Variants in ZNF827 observed in about 807,000 individuals in gnomAD.
The protein encoded by ZNF827 is zinc finger protein 827.
Under a neutral mutation model 102.4 loss-of-function variants are expected in ZNF827, and 13 were observed. That is an observed-to-expected ratio of 0.13 (90% CI 0.08 to 0.20). The LOEUF (loss-of-function observed/expected upper bound fraction) is 0.20. ZNF827 is among the 10% of genes least tolerant of loss of function. The pLI, the probability that ZNF827 is intolerant of heterozygous loss-of-function variation, is 1.00. For missense variants in ZNF827, 1,103 were observed against 1,344.4 expected (o/e 0.82, Z 2.81); for synonymous variants, 523 against 536.2 (o/e 0.98, Z 0.34).
intron 5 of ZNF827, among the ~76,000 whole-genome samples, chr4:145,863,951 T>C (rs971350887): frequency 1.3e-5 from 2 of 152,052 alleles, no homozygotes; most frequent in Non-Finnish European, 2.9e-5. Context: ...CCTAGCACTT[T>C]GGGAGGCTGA....
At chr4:145,772,619 A>T (rs1736456812) in intron 11 of ZNF827, among the ~76,000 whole-genome samples, 1 of 152,262 alleles carries the variant, frequency 6.6e-6, no homozygotes, top group Admixed American at 6.5e-5. Flanking sequence ...TAGTAGTGAC[A>T]GAAACTGTAT....
At chr4:145,817,999 C>A (rs193222859) in intron 8 of ZNF827, among the ~76,000 whole-genome samples, 5 of 152,050 alleles carry the variant, frequency 3.3e-5, no homozygotes, top group African/African-American at 1.2e-4. Context: ...GATATCAAAG[C>A]ATTAAAGGAA....
intron 8 of ZNF827, among the ~76,000 whole-genome samples, chr4:145,784,361 T>G (rs1738540222): frequency 6.6e-6 from 1 of 152,226 alleles, no homozygotes; most frequent in Admixed American, 6.5e-5. Context: ...TGGTTGGGTT[T>G]TCTATTACTT....
chr4:145,900,421 TA>T (rs1164340533), intron 2 of ZNF827, among the ~76,000 whole-genome samples: 6 of 152,042 alleles, frequency 3.9e-5, no homozygotes, highest in East Asian at 3.8e-4. Flanking sequence ...TTCTTTTTTT[TA>T]TTTTTATTTT....
At chr4:145,803,304 T>A (rs1035120446) in intron 8 of ZNF827, among the ~76,000 whole-genome samples, 1 of 152,052 alleles carries the variant, frequency 6.6e-6, no homozygotes, top group Non-Finnish European at 1.5e-5. Flanking sequence ...AACAAAACAA[T>A]GACAAATATC....
At chr4:145,842,332 G>C (rs532661599) in intron 7 of ZNF827, among the ~76,000 whole-genome samples, 1 of 152,198 alleles carries the variant, frequency 6.6e-6, no homozygotes, top group Non-Finnish European at 1.5e-5. Flanking sequence ...TTGATGGTGA[G>C]GAAAGTGCAG....
intron 8 of ZNF827, among the ~76,000 whole-genome samples, chr4:145,793,824 C>T (rs1271605771): frequency 2.0e-5 from 3 of 152,146 alleles, no homozygotes; most frequent in Non-Finnish European, 4.4e-5. Flanking sequence ...AGAATCTTTG[C>T]CTCATCTTTG....
chr4:145,839,355 C>T (rs1745195692), intron 7 of ZNF827: 3 of 152,208 alleles, frequency 2.0e-5, no homozygotes, highest in Admixed American at 6.5e-5. Flanking sequence ...AGGAAGTGAA[C>T]CCTGCACATC....
chr4:145,808,357 C>T (rs528894013), intron 8 of ZNF827, among the ~76,000 whole-genome samples: 1 of 152,238 alleles, frequency 6.6e-6, no homozygotes, highest in East Asian at 1.9e-4. Context: ...TATAATACAG[C>T]TGATTTCCCT....
intron 2 of ZNF827, 130 bp from the exon 3 acceptor site, chr4:145,892,545 G>T: frequency 1.0e-6 from 1 of 1,000,092 alleles, no homozygotes; most frequent in Non-Finnish European, 1.4e-6. Flanking sequence ...ACAATTCCGA[G>T]ATTTTATCCA....
chr4:145,803,077 CCCT>C (rs1216519614), intron 8 of ZNF827, among the ~76,000 whole-genome samples: 1 of 152,156 alleles, frequency 6.6e-6, no homozygotes, highest in Non-Finnish European at 1.5e-5. Context: ...CTCCTTCCTT[CCCT>C]CCTATCTGTC....
chr4:145,938,149 A>G (rs903441348), intron 1 of ZNF827, among the ~76,000 whole-genome samples: 6 of 151,840 alleles, frequency 4.0e-5, no homozygotes, highest in Non-Finnish European at 8.8e-5. Flanking sequence ...AAGAAAGAAA[A>G]AGAGAGAGAG....
chr4:145,919,297 G>A (rs556528918), intron 1 of ZNF827, among the ~76,000 whole-genome samples: 44 of 152,262 alleles, frequency 2.9e-4, no homozygotes, highest in Middle Eastern at 3.4e-3. Flanking sequence ...ATTTAAAAGA[G>A]GAGAGGCAAA....
intron 7 of ZNF827, chr4:145,835,126 C>T (rs1744669256): frequency 6.6e-6 from 1 of 152,274 alleles, no homozygotes; most frequent in Admixed American, 6.5e-5. Flanking sequence ...CTGTTCAACT[C>T]ACCTAGCAGC....
intron 6 of ZNF827, 116 bp from the exon 7 acceptor site, chr4:145,846,129 T>C (rs1745911294): frequency 2.0e-6 from 2 of 990,598 alleles, no homozygotes; most frequent in African/African-American, 1.6e-5. Flanking sequence ...TGGTTTTCTT[T>C]TGATTTCTTT....
chr4:145,925,338 C>T (rs1228679176), intron 1 of ZNF827, among the ~76,000 whole-genome samples: 1 of 152,212 alleles, frequency 6.6e-6, no homozygotes. Flanking sequence ...CTAAGTCCAT[C>T]ACTTCCTTGA....
At chr4:145,823,735 G>C (rs534122108) in intron 7 of ZNF827, among the ~76,000 whole-genome samples, 69 of 152,280 alleles carry the variant, frequency 4.5e-4, no homozygotes, top group African/African-American at 1.6e-3. Context: ...CTGCCTATGG[G>C]TTTTATATTT....
intron 8 of ZNF827, among the ~76,000 whole-genome samples, chr4:145,803,669 G>T (rs186558047): frequency 3.9e-5 from 6 of 152,250 alleles, no homozygotes; most frequent in African/African-American, 1.2e-4. Flanking sequence ...ATTGATCAAA[G>T]GATTCCTTAT....
chr4:145,762,929 CA>C lies in ZNF827; in HGVS notation c.*17+160del, dbSNP rs2126852671. 6.6e-6 allele frequency among the ~76,000 whole-genome samples: 1 copy of C among 152,312 alleles called. No individual in the cohort carries two copies. The highest frequency in any genetic ancestry group is 1.9e-4 in the East Asian group (1 of 5,188). On this transcript the variant is annotated intron_variant, in intron 14 of 14. Coordinates refer to ENST00000508784, the MANE Select transcript of ZNF827 (RefSeq NM_001306215.2). The surrounding 1 kb of genome is among the most constrained non-coding windows in gnomAD (Gnocchi z 4.9). ...TCGGAGGGTCTGGAGAGGTGTTCAG[CA>C]GAGCCCAACACAACCAAGTGCACCG...
Sources: allele counts gnomAD v4.1 joint callset (sites outside exome capture counted in the v4.1 genomes callset), GRCh38; gene constraint gnomAD v4.1.1; non-coding constraint Gnocchi (gnomAD v3.1); transcripts MANE v1.5; gene names NCBI Gene and HGNC (gene_info 2026-07-23, HGNC 2026-07-21).